FHAD1: variants seen among roughly 807,000 people sequenced by gnomAD.
The protein encoded by FHAD1 is forkhead associated phosphopeptide binding domain 1, also known as forkhead-associated domain-containing protein 1.
FHAD1 carries 146 observed loss-of-function variants against 191.3 expected under a neutral mutation model. That is an observed-to-expected ratio of 0.76 (90% CI 0.67 to 0.88). FHAD1 has a LOEUF of 0.88. Ranked by LOEUF, FHAD1 falls within the 40% of genes least tolerant of loss-of-function variation. The pLI is 0.00. For synonymous variants in FHAD1, 616 were observed against 672.3 expected (o/e 0.92, Z 1.29); for missense variants, 1,635 against 1,785.8 (o/e 0.92, Z 1.52).
intron 3 of FHAD1, among the ~76,000 whole-genome samples, chr1:15,286,259 G>C (rs571784697): frequency 6.6e-6 from 1 of 152,104 alleles, no homozygotes; most frequent in Non-Finnish European, 1.5e-5. Flanking sequence ...TCCCAGCACT[G>C]TTGGAGGCTG....
chr1:15,339,312 T>C (rs1685574138), intron 14 of FHAD1, among the ~76,000 whole-genome samples, 169 bp from the exon 15 acceptor site: 1 of 152,134 alleles, frequency 6.6e-6, no homozygotes, highest in Admixed American at 6.5e-5. Context: ...TGAACCTCCA[T>C]GCCCAGCCTA....
Position 15,368,899 on chromosome 1 carries a change from T to C in FHAD1, c.3315-471T>C, listed in dbSNP as rs151222951. 9.2e-5 allele frequency among the ~76,000 whole-genome samples: 14 copies of C among 151,898 alleles called. 1 individual carries two copies. The highest frequency in any genetic ancestry group is 7.7e-4 in the East Asian group (4 of 5,174). Reference sequence around the variant, plus strand: ...GTTGCAGTGAGCCAAGATCACACCATTGCACTCCAGCCTGGGTGGAAGAAC... The same window carrying C: ...GTTGCAGTGAGCCAAGATCACACCACTGCACTCCAGCCTGGGTGGAAGAAC... On this transcript the variant is annotated intron_variant, in intron 25 of 33. Coordinates refer to ENST00000688493, the MANE Select transcript of FHAD1 (RefSeq NM_001391957.1).
chr1:15,285,428 G>A (rs144173143), intron 3 of FHAD1, among the ~76,000 whole-genome samples: 2,842 of 152,286 alleles, frequency 0.019, 85 homozygotes, highest in African/African-American at 0.065. Context: ...AGCTACTTGG[G>A]AGGCTGAGGC....
At chr1:15,346,014 C>A (rs1301539043) in intron 18 of FHAD1, among the ~76,000 whole-genome samples, 2 of 152,170 alleles carry the variant, frequency 1.3e-5, no homozygotes, top group African/African-American at 4.8e-5. Flanking sequence ...ACTCTTACGC[C>A]CCGGAGGAGT....
chr1:15,387,982 C>G (rs1702585241), intron 31 of FHAD1, 69 bp from the exon 32 acceptor site: 2 of 857,704 alleles, frequency 2.3e-6, no homozygotes, highest in Middle Eastern at 2.6e-4. Flanking sequence ...AGAGGCCTGT[C>G]CCAGATTGGA....
At position 15,298,766 on chromosome 1, in the gene FHAD1, A is replaced by G. The variant is rs549336654; in HGVS notation, c.678+1973A>G. Among the ~76,000 whole-genome samples the G allele has an allele frequency of 3.9e-5, 6 of 152,348 alleles. 1 individual carries two copies. The highest frequency in any genetic ancestry group is 3.3e-4 in the Admixed American group (5 of 15,304). On this transcript the variant is annotated intron_variant, in intron 5 of 33. Coordinates refer to ENST00000688493, the MANE Select transcript of FHAD1 (RefSeq NM_001391957.1). ...CATTTTTAATCCACCACAGTTGTTA[A>G]GCTGGAAATAGGATCCAACCACGTT... is the stretch of plus-strand genomic sequence containing the variant.
chr1:15,385,992 C>T (rs1702010445), intron 31 of FHAD1, among the ~76,000 whole-genome samples: 1 of 152,174 alleles, frequency 6.6e-6, no homozygotes, highest in African/African-American at 2.4e-5. Flanking sequence ...TAGTCCACTT[C>T]CCACATCACT....
At position 15,329,844 on chromosome 1, in the gene FHAD1, A is replaced by G. The variant is rs760487790; in HGVS notation, c.1906+303A>G. On this transcript the variant is annotated intron_variant, in intron 14 of 33. Coordinates refer to ENST00000688493, the MANE Select transcript of FHAD1 (RefSeq NM_001391957.1). This position sits in a 1 kb window ranked among gnomAD's most constrained non-coding sequence, Gnocchi z 5.0. ...ACCTCCAAGGCATTTTCCCATGGAAATAACCGCGTGATTCCAGGCAAGTGA... is the reference window on the plus strand; with the variant it reads ...ACCTCCAAGGCATTTTCCCATGGAAGTAACCGCGTGATTCCAGGCAAGTGA... 27 of 352,292 alleles carry G rather than the reference A, an allele frequency of 7.7e-5. No individual in the cohort carries two copies. Among genetic ancestry groups the G allele is most frequent in the Non-Finnish European group, 1.2e-4 (23 of 187,250 alleles). 21.8% of individuals were successfully genotyped at this position (352,292 alleles called of 1,614,324 possible).
At chr1:15,290,781 G>A (rs533700847) in intron 4 of FHAD1, among the ~76,000 whole-genome samples, 9 of 151,384 alleles carry the variant, frequency 5.9e-5, no homozygotes, top group South Asian at 2.1e-4. Flanking sequence ...CCATCTCAGC[G>A]CACTGCAAGC....
At chr1:15,337,316 G>C (rs760819072) in intron 14 of FHAD1, among the ~76,000 whole-genome samples, 1 of 152,102 alleles carries the variant, frequency 6.6e-6, no homozygotes, top group Non-Finnish European at 1.5e-5. Context: ...ACACCCCACC[G>C]CAACCCCAAC....
chr1:15,337,914 C>T (rs149995345), intron 14 of FHAD1, among the ~76,000 whole-genome samples: 2,967 of 152,284 alleles, frequency 0.019, 59 homozygotes, highest in South Asian at 0.065. Flanking sequence ...CGTCTCAGAA[C>T]GCCACTGCCT....
Position 15,397,296 on chromosome 1 carries a change from G to A in FHAD1, c.4324-1G>A, listed in dbSNP as rs951734677. 2 of 1,485,980 alleles carry A rather than the reference G, an allele frequency of 1.3e-6. No homozygotes were observed. Among genetic ancestry groups the A allele is most frequent in the Admixed American group, 2.1e-5 (1 of 48,632 alleles). The allele number at this position is 1,485,980 out of a possible 1,614,324, so 92.0% of individuals were successfully genotyped here. A position where few individuals can be genotyped will look rare whatever the true frequency, so the allele number is the denominator to read the frequency against. ...TGTGTTTTTTCTCTTGCTTGTTAAA[G>A]GTTGGAACCAGAAAAGCCTCCCTAA... On this transcript the variant is annotated splice_acceptor_variant, in intron 33 of 33. Transcript: ENST00000688493. LOFTEE classifies it high-confidence loss of function.
chr1:15,363,682 A>C, intron 23 of FHAD1: 2 of 452,412 alleles, frequency 4.4e-6, no homozygotes, highest in Non-Finnish European at 8.9e-6. Flanking sequence ...TGAGAAGTTA[A>C]GGGGTCGGCT....
At chr1:15,343,912 A>G (rs1330327395) in intron 16 of FHAD1, 1 of 152,166 alleles carries the variant, frequency 6.6e-6, no homozygotes, top group African/African-American at 2.4e-5. Context: ...TTCCCTTGTC[A>G]GGGTTTGGTA....
intron 20 of FHAD1, among the ~76,000 whole-genome samples, chr1:15,353,719 A>G (rs1413765342): frequency 1.3e-5 from 2 of 148,606 alleles, no homozygotes; most frequent in Non-Finnish European, 3.0e-5. Flanking sequence ...AAAAAAAAAA[A>G]AAAAAAAGAA....
intron 20 of FHAD1, among the ~76,000 whole-genome samples, chr1:15,357,243 C>T (rs893989631): frequency 3.9e-5 from 6 of 152,156 alleles, no homozygotes; most frequent in Non-Finnish European, 5.9e-5. Flanking sequence ...AAATAATGTT[C>T]GTAAGATGCC....
chr1:15,299,268 G>A (rs1667991383), intron 5 of FHAD1, among the ~76,000 whole-genome samples: 1 of 151,124 alleles, frequency 6.6e-6, no homozygotes, highest in Non-Finnish European at 1.5e-5. Context: ...TATCTTATTG[G>A]AAAATGTAAA....
chr1:15,383,021 C>T (rs1003548756), intron 31 of FHAD1: 6 of 462,192 alleles, frequency 1.3e-5, no homozygotes, highest in African/African-American at 6.0e-5. Flanking sequence ...CACACGCGCA[C>T]GCGCACACAC....
At chr1:15,326,074 C>T (rs551999672) in intron 11 of FHAD1, 8 of 152,524 alleles carry the variant, frequency 5.2e-5, no homozygotes, top group Non-Finnish European at 8.8e-5. Context: ...GCTTTGAGAA[C>T]CTCATGTCAC....
Sources: allele counts gnomAD v4.1 joint callset (sites outside exome capture counted in the v4.1 genomes callset), GRCh38; gene constraint gnomAD v4.1.1; non-coding constraint Gnocchi (gnomAD v3.1); transcripts MANE v1.5; gene names NCBI Gene and HGNC (gene_info 2026-07-23, HGNC 2026-07-21).